The following TOPAZ1 variants were observed in gnomAD, a reference collection of about 807,000 sequenced individuals.
The protein encoded by TOPAZ1 is testis and ovary specific TOPAZ 1.
In TOPAZ1, 66 loss-of-function variants were observed where a neutral mutation model predicts 172.2. The ratio of observed to expected loss-of-function variants is 0.38; its 90% confidence interval spans 0.31 to 0.47. The LOEUF (loss-of-function observed/expected upper bound fraction) is 0.47. Among genes scored for constraint, TOPAZ1 ranks in the 20% least tolerant of loss-of-function variants. The pLI, the probability that TOPAZ1 is intolerant of heterozygous loss-of-function variation, is 0.99. For synonymous variants in TOPAZ1, 681 were observed against 683.9 expected (o/e 1.00, Z 0.07); for missense variants, 1,822 against 1,972.4 (o/e 0.92, Z 1.44).
chr3:44,264,842 G>T (rs1373756237), intron 5 of TOPAZ1, among the ~76,000 whole-genome samples: 1 of 152,142 alleles, frequency 6.6e-6, no homozygotes, highest in Non-Finnish European at 1.5e-5. Flanking sequence ...CACTTTCTTT[G>T]CTCATCCATA....
chr3:44,283,476 C>T (rs1439045173), intron 9 of TOPAZ1, among the ~76,000 whole-genome samples: 1 of 152,146 alleles, frequency 6.6e-6, no homozygotes, highest in Non-Finnish European at 1.5e-5. Context: ...GCCTCAGGAA[C>T]CATTTTGGTG....
intron 19 of TOPAZ1, among the ~76,000 whole-genome samples, chr3:44,331,101 T>C (rs1291417317): frequency 1.3e-5 from 2 of 152,250 alleles, no homozygotes; most frequent in African/African-American, 4.8e-5. Flanking sequence ...TTTTATGCAT[T>C]CTCATGAATA....
At position 44,306,561 on chromosome 3, in the gene TOPAZ1, G is replaced by A. The variant is rs577769935; in HGVS notation, c.4140+135G>A. Reference sequence around the variant, plus strand: ...AATTGATAAAGTGGGACCCAGACTAGTGAGTGATTTATTAGATGGTATATT... The same window carrying A: ...AATTGATAAAGTGGGACCCAGACTAATGAGTGATTTATTAGATGGTATATT... On this transcript the variant is annotated intron_variant, in intron 15 of 19. Coordinates refer to ENST00000309765, the MANE Select transcript of TOPAZ1 (RefSeq NM_001145030.2). 5.8e-5 allele frequency: 30 copies of A among 513,874 alleles called. No homozygotes were observed. In the East Asian group the frequency reaches 6.3e-4, roughly 11 times the overall value. The allele number at this position is 513,874 out of a possible 1,614,324, so 31.8% of individuals were successfully genotyped here.
At chr3:44,281,894 A>C in intron 8 of TOPAZ1, 74 bp from the exon 9 acceptor site, 1 of 894,380 alleles carries the variant, frequency 1.1e-6, no homozygotes, top group South Asian at 1.8e-5. Context: ...AAGCAAAAAG[A>C]TAGGATTGAA....
chr3:44,331,909 T>C lies in TOPAZ1; in HGVS notation c.4977T>C (p.Val1659=), dbSNP rs2125708638. Residue 1659 remains valine, a synonymous_variant, in exon 20 of 20, where the codon GTT becomes GTC. Coordinates refer to ENST00000309765, the MANE Select transcript of TOPAZ1 (RefSeq NM_001145030.2). ...TCGTTAAACACATGACTGTCAATGT[T>C]AATAAGGAACAGGTTTATAGTTTGG... ...KLFVKHMTVN[V]NKEQVYSLEH... The C allele has an allele frequency of 6.4e-7, 1 of 1,551,698 alleles. No homozygotes were observed. The highest frequency in any genetic ancestry group is 2.4e-5 in the East Asian group (1 of 40,898).
chr3:44,258,941 A>C (rs1699745686), intron 4 of TOPAZ1, among the ~76,000 whole-genome samples: 1 of 152,190 alleles, frequency 6.6e-6, no homozygotes, highest in South Asian at 2.1e-4. Context: ...ATGTTTGTTC[A>C]GTTCTTTGAG....
chr3:44,335,022 A>G (rs1322327873), downstream of TOPAZ1, among the ~76,000 whole-genome samples: 1 of 152,132 alleles, frequency 6.6e-6, no homozygotes, highest in African/African-American at 2.4e-5. Flanking sequence ...GATGATTCCC[A>G]CAACTCCAAC....
intron 16 of TOPAZ1, among the ~76,000 whole-genome samples, chr3:44,312,660 A>G (rs769647893): frequency 5.3e-5 from 8 of 152,198 alleles, no homozygotes; most frequent in Non-Finnish European, 1.2e-4. Flanking sequence ...GCAAATGAGC[A>G]ACAGATTGCT....
chr3:44,251,762 C>A (rs541721459), intron 2 of TOPAZ1, among the ~76,000 whole-genome samples: 1 of 151,954 alleles, frequency 6.6e-6, no homozygotes, highest in South Asian at 2.1e-4. Flanking sequence ...ACCTGTCTTA[C>A]TCTCTCCTCT....
intron 5 of TOPAZ1, among the ~76,000 whole-genome samples, chr3:44,264,633 T>C (rs1013118020): frequency 1.3e-5 from 2 of 152,328 alleles, no homozygotes; most frequent in African/African-American, 4.8e-5. Context: ...TGACACTTCT[T>C]TTCACAAAAG....
At chr3:44,254,165 T>G (rs1699667386) in intron 2 of TOPAZ1, among the ~76,000 whole-genome samples, 1 of 152,236 alleles carries the variant, frequency 6.6e-6, no homozygotes, top group Non-Finnish European at 1.5e-5. Context: ...TGCCACAGTT[T>G]ACACAGCAAG....
chr3:44,331,568 C>G (rs114829359), intron 19 of TOPAZ1, among the ~76,000 whole-genome samples: 3 of 152,124 alleles, frequency 2.0e-5, no homozygotes, highest in Non-Finnish European at 4.4e-5. Context: ...CTCAAGCGAT[C>G]CCCCCAACCT....
chr3:44,243,829 A>T lies in TOPAZ1; in HGVS notation c.1323A>T (p.Ala441=). The change falls in exon 2 of 20, where the codon GCA becomes GCT. Residue 441 remains alanine, a synonymous_variant. Transcript: ENST00000309765. ...AGCCGTTAGGTTATGAAAGCATGGC[A>T]TCGAAAGAGGATTTTAAATCGATGA... ...ASEPLGYESM[A]SKEDFKSMKS... 6.4e-7 allele frequency: 1 copy of T among 1,551,724 alleles called. No homozygotes were observed.
chr3:44,291,622 G>GA (rs972875160), intron 12 of TOPAZ1, among the ~76,000 whole-genome samples: 16 of 128,142 alleles, frequency 1.2e-4, no homozygotes, highest in South Asian at 7.3e-4. Context: ...AATAAAAACT[G>GA]AAAAAAAAAC....
In TOPAZ1 at chr3:44,243,204, C is replaced by T; in HGVS notation, c.698C>T (p.Pro233Leu). Residue 233 changes from proline (P) to leucine (L), a missense_variant, in exon 2 of 20, where the codon CCC (proline) becomes CTC (leucine). This residue lies in a region of TOPAZ1 where 1,489 missense variants were observed against 1,490.8 expected (regional missense o/e 1.00). Coordinates refer to ENST00000309765, the MANE Select transcript of TOPAZ1 (RefSeq NM_001145030.2). Reference sequence around the variant, plus strand: ...AAATTACGTGATTGCAATTGTTTCCCCCATTCCAAGGGTTGTAATGATGAA... The same window carrying T: ...AAATTACGTGATTGCAATTGTTTCCTCCATTCCAAGGGTTGTAATGATGAA... Reference protein sequence around the residue: ...VLKLRDCNCFPHSKGCNDENN... With the variant: ...VLKLRDCNCFLHSKGCNDENN... 1.9e-6 allele frequency: 3 copies of T among 1,549,014 alleles called. No homozygotes were observed. The highest frequency in any genetic ancestry group is 1.2e-5 in the South Asian group (1 of 83,020).
chr3:44,313,775 T>A (rs1302860129), intron 16 of TOPAZ1, among the ~76,000 whole-genome samples: 1 of 152,188 alleles, frequency 6.6e-6, no homozygotes, highest in East Asian at 1.9e-4. Context: ...GTTTTTTGGT[T>A]ATCAGACAGG....
At chr3:44,287,300 T>C in intron 9 of TOPAZ1, 89 bp from the exon 10 acceptor site, 1 of 684,712 alleles carries the variant, frequency 1.5e-6, no homozygotes, top group Non-Finnish European at 2.1e-6. Flanking sequence ...CATATTATTT[T>C]ATCTTTATAT....
chr3:44,286,980 G>A, intron 9 of TOPAZ1, among the ~76,000 whole-genome samples: 1 of 152,142 alleles, frequency 6.6e-6, no homozygotes, highest in East Asian at 1.9e-4. Context: ...CATGTTGGTG[G>A]GTTTAAAGCA....
intron 4 of TOPAZ1, among the ~76,000 whole-genome samples, chr3:44,257,356 T>TGTGTGTGTGG: frequency 6.8e-5 from 1 of 14,624 alleles, no homozygotes; most frequent in South Asian, 5.2e-3. Flanking sequence ...CATAGGGGTG[T>TGTGTGTGTGG]GTGTGTGTGT....
Sources: allele counts gnomAD v4.1 joint callset (sites outside exome capture counted in the v4.1 genomes callset), GRCh38; gene constraint gnomAD v4.1.1; regional missense constraint gnomAD v4.1.1; transcripts MANE v1.5; gene names NCBI Gene and HGNC (gene_info 2026-07-23, HGNC 2026-07-21).